Variants in BRD7 observed in about 807,000 individuals in gnomAD.
BRD7 encodes bromodomain containing 7, also known as bromodomain-containing protein 7.
BRD7 carries 15 observed loss-of-function variants against 82.1 expected under a neutral mutation model. That is an observed-to-expected ratio of 0.18 (90% CI 0.12 to 0.28). BRD7 has a LOEUF of 0.28. BRD7 is among the 10% of genes least tolerant of loss of function. The probability of loss-of-function intolerance (pLI) is 1.00; values close to 1 mark genes in which losing one functional copy is unlikely to be tolerated. For missense variants in BRD7, 638 were observed against 779.9 expected, an observed-to-expected ratio of 0.82 and a Z score of 2.17; for synonymous variants, 232 against 266.9, an observed-to-expected ratio of 0.87 and a Z score of 1.27.
At chr16:50,366,430 T>C (rs1437459741) in intron 2 of BRD7, among the ~76,000 whole-genome samples, 1 of 152,216 alleles carries the variant, frequency 6.6e-6, no homozygotes, top group African/African-American at 2.4e-5. Flanking sequence ...GTTTCATAAA[T>C]CTTAGAGTTT....
chr16:50,336,739 A>G (rs1200011535), intron 6 of BRD7, among the ~76,000 whole-genome samples: 1 of 152,236 alleles, frequency 6.6e-6, no homozygotes, highest in East Asian at 1.9e-4. Context: ...AACTTACATT[A>G]AGAATGCTTT....
intron 5 of BRD7, among the ~76,000 whole-genome samples, chr16:50,347,410 G>A (rs2038330609): frequency 6.6e-6 from 1 of 150,648 alleles, no homozygotes; most frequent in African/African-American, 2.4e-5. Context: ...TTCTGGCCAG[G>A]GCAATCAGGC....
chr16:50,323,826 A>G (rs113039953), intron 11 of BRD7, 128 bp from the exon 12 acceptor site: 129 of 641,422 alleles, frequency 2.0e-4, no homozygotes, highest in African/African-American at 8.4e-4. Context: ...GCCTAGACAC[A>G]ACATGGTATC....
At position 50,320,402 on chromosome 16, in the gene BRD7, A is replaced by G. The variant is rs1567595542; in HGVS notation, c.1613-11T>C. On this transcript the variant is annotated splice_polypyrimidine_tract_variant and intron_variant, in intron 14 of 16. Transcript: ENST00000394688. The stretch of plus-strand genomic sequence containing the variant: ...GGAATATTTCAGCTTCTGTGTGGTA[A>G]GAAAACAGACACACTTCTGTTTGAT... The G allele has an allele frequency of 6.2e-7, 1 of 1,612,058 alleles. No homozygotes were observed. The highest frequency in any genetic ancestry group is 8.5e-7 in the Non-Finnish European group (1 of 1,179,106).
At chr16:50,362,924 T>C (rs1479785322) in intron 2 of BRD7, among the ~76,000 whole-genome samples, 1 of 152,216 alleles carries the variant, frequency 6.6e-6, no homozygotes, top group Admixed American at 6.5e-5. Context: ...GCTATGTGTA[T>C]TGTACCACAA....
chr16:50,325,614 T>C (rs916266241), intron 11 of BRD7, 134 bp downstream of exon 11: 3 of 720,560 alleles, frequency 4.2e-6, no homozygotes, highest in Non-Finnish European at 6.6e-6. Flanking sequence ...GAATCCATTA[T>C]TGTCAGCTTA....
Position 50,317,939 on chromosome 16 carries a change from CT to C in BRD7, c.*1271del, listed in dbSNP as rs1472258426. Reference sequence around the variant, plus strand: ...AAACAGAAGAGAAGATCATTAACCACTGTATACTTTGTGTATATAATAGGTC... The same window carrying C: ...AAACAGAAGAGAAGATCATTAACCACGTATACTTTGTGTATATAATAGGTC... On this transcript the variant is annotated 3_prime_UTR_variant, in exon 17 of 17. Transcript: ENST00000394688. 2 of 152,268 alleles carry C rather than the reference CT, an allele frequency of 1.3e-5. No individual in the cohort carries two copies. The highest frequency in any genetic ancestry group is 3.7e-4 in the East Asian group (2 of 5,336). 9.4% of individuals were successfully genotyped at this position (152,268 alleles called of 1,614,324 possible).
At chr16:50,340,208 T>G (rs369734010) in intron 5 of BRD7, 122 bp from the exon 6 acceptor site, 13 of 490,566 alleles carry the variant, frequency 2.7e-5, no homozygotes, top group African/African-American at 2.2e-4. Flanking sequence ...CTTTATTTAC[T>G]AAACAATACT....
At chr16:50,360,357 C>T (rs1216639204) in intron 2 of BRD7, among the ~76,000 whole-genome samples, 3 of 152,190 alleles carry the variant, frequency 2.0e-5, no homozygotes, top group Non-Finnish European at 2.9e-5. Flanking sequence ...TATACACATA[C>T]ATATATTCAA....
In BRD7 at chr16:50,351,363, A is replaced by T. The variant is rs1365034254; in HGVS notation, c.447-1196T>A. ...AGCAGGATGCCTAAGCAGTGAGACT[A>T]AAAAATGACAACAAGCAAAAATACA... On this transcript the variant is annotated intron_variant, in intron 4 of 16. Transcript: ENST00000394688. Among the ~76,000 whole-genome samples, 5 of 152,328 alleles carry T rather than the reference A, an allele frequency of 3.3e-5. No individual in the cohort carries two copies. The East Asian group carries it at 9.6e-4, about 29-fold the overall frequency.
At chr16:50,354,566 T>C (rs1021301231) in intron 3 of BRD7, 84 bp from the exon 4 acceptor site, 27 of 1,258,610 alleles carry the variant, frequency 2.1e-5, no homozygotes, top group Non-Finnish European at 2.9e-5. Context: ...TCTACAACCA[T>C]TATTAAATAT....
intron 13 of BRD7, among the ~76,000 whole-genome samples, chr16:50,321,679 A>G (rs1479744722): frequency 6.6e-6 from 1 of 151,954 alleles, no homozygotes; most frequent in Non-Finnish European, 1.5e-5. Context: ...ATCAACCCAG[A>G]TATTAAGCAA....
In BRD7 at chr16:50,368,890, C is replaced by T; in HGVS notation, c.-116G>A. 3.3e-6 allele frequency: 2 copies of T among 604,526 alleles called. No individual in the cohort carries two copies. The highest frequency in any genetic ancestry group is 4.2e-6 in the Non-Finnish European group (2 of 472,612). The allele number at this position is 604,526 out of a possible 1,614,324, so 37.4% of individuals were successfully genotyped here. ...GCGGGGCCCGCGAGACCCCGCGCCG[C>T]GAGGCAGGGGGGCGGCGCGCGCCGG... On this transcript the variant is annotated 5_prime_UTR_variant, in exon 1 of 17. Transcript: ENST00000394688.
At chr16:50,328,463 GA>G (rs2037429230) in intron 9 of BRD7, among the ~76,000 whole-genome samples, 1 of 152,156 alleles carries the variant, frequency 6.6e-6, no homozygotes, top group South Asian at 2.1e-4. Context: ...GAATTTTAAG[GA>G]AAACTTGATA....
intron 5 of BRD7, 22 bp downstream of exon 5, chr16:50,350,001 G>A: frequency 1.3e-6 from 2 of 1,519,600 alleles, no homozygotes; most frequent in Middle Eastern, 4.9e-4. Context: ...AAGATTTTGT[G>A]TATATAGGAT....
At chr16:50,322,128 G>C in intron 12 of BRD7, 90 bp from the exon 13 acceptor site, 1 of 1,044,288 alleles carries the variant, frequency 9.6e-7, no homozygotes, top group Non-Finnish European at 1.4e-6. Flanking sequence ...TTCTTGGCAA[G>C]AGAAAATGAA....
intron 4 of BRD7, among the ~76,000 whole-genome samples, chr16:50,350,484 C>T (rs2038472855): frequency 6.6e-6 from 1 of 152,116 alleles, no homozygotes; most frequent in African/African-American, 2.4e-5. Flanking sequence ...ATGTTTTAAC[C>T]TTTGGGAGAT....
intron 8 of BRD7, among the ~76,000 whole-genome samples, chr16:50,331,805 A>G (rs772757963): frequency 1.8e-4 from 28 of 152,218 alleles, no homozygotes; most frequent in Non-Finnish European, 3.4e-4. Context: ...CTCACAGACC[A>G]ATGGAACAGA....
intron 2 of BRD7, among the ~76,000 whole-genome samples, chr16:50,361,257 T>A (rs7206852): frequency 0.21 from 32,090 of 152,142 alleles, 3,734 homozygotes; most frequent in East Asian, 0.3. Context: ...AATAGGTACT[T>A]ACTGGAATTT....
Sources: allele counts gnomAD v4.1 joint callset (sites outside exome capture counted in the v4.1 genomes callset), GRCh38; gene constraint gnomAD v4.1.1; transcripts MANE v1.5; gene names NCBI Gene and HGNC (gene_info 2026-07-23, HGNC 2026-07-21).